Variants in GABRG3 observed in about 807,000 individuals in gnomAD.
GABRG3 encodes the protein gamma-aminobutyric acid receptor subunit gamma-3.
A neutral mutation model predicts 48.8 loss-of-function variants in GABRG3; 25 were observed. The observed-to-expected ratio is 0.51, with a 90% confidence interval of 0.37 to 0.72. The LOEUF is 0.72. Among genes scored for constraint, GABRG3 ranks in the 30% least tolerant of loss-of-function variants. The pLI, the probability that GABRG3 is intolerant of heterozygous loss-of-function variation, is 0.00. For missense variants in GABRG3, 394 were observed against 577.9 expected (o/e 0.68, Z 3.26); for synonymous variants, 227 against 217.6 (o/e 1.04, Z -0.38).
At chr15:27,044,130 T>C (rs887849780) in intron 3 of GABRG3, among the ~76,000 whole-genome samples, 1 of 152,312 alleles carries the variant, frequency 6.6e-6, no homozygotes, top group Non-Finnish European at 1.5e-5. Context: ...AGTGATGTCA[T>C]GTCACTTTGG....
chr15:27,413,629 C>G (rs1887863500), intron 5 of GABRG3, among the ~76,000 whole-genome samples: 1 of 151,920 alleles, frequency 6.6e-6, no homozygotes, highest in African/African-American at 2.4e-5. Flanking sequence ...AAACTGCATT[C>G]AGATCAGTGT....
At chr15:27,123,335 G>C (rs1392761245) in intron 3 of GABRG3, among the ~76,000 whole-genome samples, 2 of 152,152 alleles carry the variant, frequency 1.3e-5, no homozygotes, top group Non-Finnish European at 2.9e-5. Context: ...ATAGTGCTAG[G>C]AAGTGGGGCC....
At chr15:27,006,896 G>T (rs1007092027) in intron 2 of GABRG3, among the ~76,000 whole-genome samples, 1 of 151,498 alleles carries the variant, frequency 6.6e-6, no homozygotes, top group Non-Finnish European at 1.5e-5. Flanking sequence ...CCGGAGTGTG[G>T]TGGCACAATT....
intron 3 of GABRG3, among the ~76,000 whole-genome samples, chr15:27,064,611 G>A (rs1425764846): frequency 1.3e-5 from 2 of 152,074 alleles, no homozygotes; most frequent in Non-Finnish European, 2.9e-5. Flanking sequence ...AATCTGGTGG[G>A]GTTGCCTTAC....
rs1164242099 is a variant in GABRG3 at position 27,533,014 on chromosome 15, A to G, written c.*133A>G. ...TGTATCTTGTTATAAATGACCTTTC[A>G]GCAACACAGGAAGTACCCAGCAAAG... On this transcript the variant is annotated 3_prime_UTR_variant, in exon 10 of 10. Coordinates refer to ENST00000615808, the MANE Select transcript of GABRG3 (RefSeq NM_033223.5). 1.1e-5 allele frequency: 9 copies of G among 784,040 alleles called. No individual in the cohort carries two copies. The highest frequency in any genetic ancestry group is 1.8e-5 in the Non-Finnish European group (9 of 501,746). 48.6% of individuals were successfully genotyped at this position (784,040 alleles called of 1,614,324 possible).
Position 27,401,922 on chromosome 15 carries a change from G to A in GABRG3, c.574+73034G>A, listed in dbSNP as rs145431327. Among the ~76,000 whole-genome samples the A allele has an allele frequency of 4.7e-3, 704 of 151,236 alleles. 2 individuals are homozygous for A. The highest frequency in any genetic ancestry group is 0.016 in the African/African-American group (658 of 40,556). On this transcript the variant is annotated intron_variant, in intron 5 of 9. Transcript: ENST00000615808. ...TTGAATGAAATCTTAATATGTCTGT[G>A]TCTGCCCTAATGCAGACAATTGGCC...
At chr15:27,200,262 G>T (rs1025701794) in intron 3 of GABRG3, among the ~76,000 whole-genome samples, 3 of 152,204 alleles carry the variant, frequency 2.0e-5, no homozygotes, top group Non-Finnish European at 4.4e-5. Flanking sequence ...TTTAGTTTAT[G>T]TGGGGGCAGG....
intron 3 of GABRG3, among the ~76,000 whole-genome samples, chr15:27,315,857 G>A (rs1246316767): frequency 6.6e-6 from 1 of 152,056 alleles, no homozygotes; most frequent in Non-Finnish European, 1.5e-5. Flanking sequence ...TGTTTTTGAT[G>A]TTCATTTCTC....
chr15:27,369,858 C>T (rs527314855), intron 5 of GABRG3, among the ~76,000 whole-genome samples: 8 of 138,454 alleles, frequency 5.8e-5, no homozygotes, highest in African/African-American at 2.3e-4. Flanking sequence ...CTAAGAAAAA[C>T]CTTTCAGATG....
At chr15:27,012,506 A>C (rs1895707364) in intron 2 of GABRG3, among the ~76,000 whole-genome samples, 1 of 152,106 alleles carries the variant, frequency 6.6e-6, no homozygotes. Flanking sequence ...TTAAAATCTC[A>C]ATATCTTTTT....
chr15:27,172,223 T>C (rs543004111), intron 3 of GABRG3, among the ~76,000 whole-genome samples: 2 of 152,280 alleles, frequency 1.3e-5, no homozygotes, highest in Admixed American at 6.5e-5. Context: ...AAATGTGATA[T>C]GACGGGGCTA....
In GABRG3 at chr15:27,313,238, A is replaced by ATG. The variant is rs1269940849; in HGVS notation, c.271-13570_271-13569insGT. On this transcript the variant is annotated intron_variant, in intron 3 of 9. Transcript: ENST00000615808. ...TATGTATATATATACGTATATGTAT[A>ATG]TATGTGTGTGTGTGTGTGTGTGTGT... Among the ~76,000 whole-genome samples, 77 of 77,512 alleles carry ATG rather than the reference A, an allele frequency of 9.9e-4. 2 individuals are homozygous for ATG. The highest frequency in any genetic ancestry group is 2.0e-3 in the African/African-American group (33 of 16,642). 50.9% of individuals were successfully genotyped at this position (77,512 alleles called of 152,430 possible). A position where few individuals can be genotyped will look rare whatever the true frequency, so the allele number is the denominator to read the frequency against.
In GABRG3 at chr15:27,540,704, T is replaced by G. The variant is rs1198926792; in HGVS notation, c.*7823T>G. On this transcript the variant is annotated 3_prime_UTR_variant, in exon 10 of 10. Transcript: ENST00000615808. The stretch of plus-strand genomic sequence containing the variant: ...TTTCCTTTACGTGCAGCTCCGGTAC[T>G]GAGCAAAAGGTTCGTTGTTTAGGAG... The G allele has an allele frequency of 6.6e-6, 1 of 152,252 alleles. No individual in the cohort carries two copies. Among genetic ancestry groups the G allele is most frequent in the Non-Finnish European group, 1.5e-5 (1 of 68,050 alleles). The allele number at this position is 152,252 out of a possible 1,614,324, so 9.4% of individuals were successfully genotyped here. A position where few individuals can be genotyped will look rare whatever the true frequency, so the allele number is the denominator to read the frequency against.
chr15:27,351,041 G>A (rs1255214902), intron 5 of GABRG3, among the ~76,000 whole-genome samples: 3 of 149,436 alleles, frequency 2.0e-5, no homozygotes, highest in Non-Finnish European at 4.4e-5. Flanking sequence ...TGTGTATGGT[G>A]TATGTGCATA....
At chr15:27,403,899 A>C (rs1012912251) in intron 5 of GABRG3, among the ~76,000 whole-genome samples, 3 of 134,044 alleles carry the variant, frequency 2.2e-5, no homozygotes, top group African/African-American at 9.4e-5. Context: ...TGACAAAGCC[A>C]GACTCAAAAA....
chr15:27,017,961 G>A (rs942171387), intron 2 of GABRG3, among the ~76,000 whole-genome samples: 1 of 152,164 alleles, frequency 6.6e-6, no homozygotes, highest in East Asian at 1.9e-4. Flanking sequence ...AAGGCATAGT[G>A]CAGTTAGCCC....
intron 3 of GABRG3, among the ~76,000 whole-genome samples, chr15:27,254,393 TGTTTA>T (rs1182151810): frequency 1.3e-5 from 2 of 152,040 alleles, no homozygotes; most frequent in Admixed American, 6.6e-5. Context: ...GCTACTGTGT[TGTTTA>T]GTTAAGGGAG....
intron 5 of GABRG3, among the ~76,000 whole-genome samples, chr15:27,468,773 G>A (rs1400072155): frequency 1.3e-5 from 2 of 152,136 alleles, no homozygotes; most frequent in Non-Finnish European, 2.9e-5. Context: ...AAGCCATGAA[G>A]TGCTTCCTTT....
At chr15:27,306,990 G>GTTTATATATAAACATA (rs1892556456) in intron 3 of GABRG3, among the ~76,000 whole-genome samples, 1 of 109,692 alleles carries the variant, frequency 9.1e-6, no homozygotes, top group Non-Finnish European at 1.7e-5. Context: ...ATATAAACAT[G>GTTTATATATAAACATA]TTTATATATA....
Sources: gnomAD v4.1 joint callset for allele counts (sites outside exome capture counted in the v4.1 genomes callset) on GRCh38, gnomAD v4.1.1 for gene constraint, MANE v1.5 for transcripts, NCBI Gene and HGNC (gene_info 2026-07-23, HGNC 2026-07-21) for gene names.